BIRC6: variants seen among roughly 807,000 people sequenced by gnomAD.
BIRC6 encodes baculoviral IAP repeat containing 6.
BIRC6 carries 98 observed loss-of-function variants against 503.3 expected under a neutral mutation model. The ratio of observed to expected loss-of-function variants is 0.19; its 90% CI spans 0.17 to 0.23. The LOEUF (loss-of-function observed/expected upper bound fraction) is 0.23, where lower values mean the gene tolerates loss of function less well. Among genes scored for constraint, BIRC6 ranks in the 10% least tolerant of loss-of-function variants. BIRC6 has a pLI of 1.00. For missense variants in BIRC6, 5,360 were observed against 5,806.0 expected, an observed-to-expected ratio of 0.92 and a Z score of 2.50; for synonymous variants, 2,240 against 2,078.7, an observed-to-expected ratio of 1.08 and a Z score of -2.11.
At chr2:32,453,376 T>C (rs1007223669) in intron 22 of BIRC6, among the ~76,000 whole-genome samples, 2 of 152,218 alleles carry the variant, frequency 1.3e-5, no homozygotes, top group Non-Finnish European at 2.9e-5. Flanking sequence ...TTGTGTCTTA[T>C]ATTTATGCAG....
Position 32,380,136 on chromosome 2 carries a change from TTTTA to T in BIRC6, c.508-13_508-10del. On this transcript the variant is annotated splice_polypyrimidine_tract_variant and intron_variant, in intron 2 of 73. Transcript: ENST00000421745. ...TTGAATTTTCTGTGATTTTTTTATT[TTTTA>T]TTTTTTATTTAGGCACAGCAGCTCT... The T allele has an allele frequency of 1.4e-6, 2 of 1,464,226 alleles. No homozygotes were observed. The highest frequency in any genetic ancestry group is 1.8e-6 in the Non-Finnish European group (2 of 1,105,860). 90.7% of individuals were successfully genotyped at this position (1,464,226 alleles called of 1,614,324 possible).
Position 32,502,883 on chromosome 2 carries a change from A to G in BIRC6, c.9296A>G (p.His3099Arg). 1 of 1,605,738 alleles carries G rather than the reference A, an allele frequency of 6.2e-7. No individual in the cohort carries two copies. The highest frequency in any genetic ancestry group is 8.5e-7 in the Non-Finnish European group (1 of 1,173,930). The change falls in exon 48 of 74, where the codon CAT (histidine) becomes CGT (arginine). Residue 3099 changes from histidine (H) to arginine (R), a missense_variant. Physicochemically the swap from His to Arg is conservative, Grantham distance 29. This residue lies in a region of BIRC6 where 267 missense variants were observed against 287.6 expected (regional missense o/e 0.93). Coordinates refer to ENST00000421745, the MANE Select transcript of BIRC6 (RefSeq NM_016252.4). ...ACTAGTGATGCCTTGAAAGCATTTC[A>G]TGATATGGGTAAGATAATATTTCAA... is the stretch of plus-strand genomic sequence containing the variant. The part of the protein sequence containing the change: ...LDTSDALKAF[H>R]DMGGVQLICN...
Position 32,463,375 on chromosome 2 carries a change from G to A in BIRC6, c.4935G>A (p.Gln1645=). ...AACAGCAGCAGCTTTTGAAGCTTCA[G>A]CAACAGGTTGGAGACTATTTGGCTC... ...QEKQQQLLKL[Q]QQKAKLEAKL... The change falls in exon 24 of 74, where the codon CAG becomes CAA. Residue 1645 remains glutamine, a synonymous_variant. Transcript: ENST00000421745. 2.5e-6 allele frequency: 4 copies of A among 1,610,812 alleles called. No homozygotes were observed. Among genetic ancestry groups the A allele is most frequent in the East Asian group, 2.2e-5 (1 of 44,724 alleles).
At chr2:32,590,090 C>T (rs1055628016) in intron 66 of BIRC6, among the ~76,000 whole-genome samples, 2 of 152,086 alleles carry the variant, frequency 1.3e-5, no homozygotes, top group Non-Finnish European at 1.5e-5. Flanking sequence ...GATCTTCGCC[C>T]GTTTACTGGT....
In BIRC6 at chr2:32,583,552, T is replaced by G. The variant is rs568108093; in HGVS notation, c.13355+8186T>G. Among the ~76,000 whole-genome samples the G allele has an allele frequency of 3.7e-4, 56 of 152,268 alleles. No individual in the cohort carries two copies. The East Asian group carries it at 8.5e-3, about 23-fold the overall frequency. On this transcript the variant is annotated intron_variant, in intron 66 of 73. Coordinates refer to ENST00000421745, the MANE Select transcript of BIRC6 (RefSeq NM_016252.4). ...CCAGTATTTTATGTCAAAATAGAGA[T>G]TTTACATTCAACACTTTGCATTTTT...
rs144025041 is a variant in BIRC6, at chr2:32,501,811, A to G, written c.9130A>G (p.Ser3044Gly). Reference protein sequence around the residue: ...DGLFTILTTLSKKASTVHMML... With the variant: ...DGLFTILTTLGKKASTVHMML... ...ATTATTTACCATACTGACAACCCTTAGTAAAAAAGCTTCTACAGTCCACAT... is the reference window on the plus strand; with the variant it reads ...ATTATTTACCATACTGACAACCCTTGGTAAAAAAGCTTCTACAGTCCACAT... The change falls in exon 47 of 74, where the codon AGT becomes GGT. Residue 3044 changes from serine (S) to glycine (G), a missense_variant. Transcript: ENST00000421745. The G allele has an allele frequency of 1.3e-4, 202 of 1,613,816 alleles. No individual in the cohort carries two copies. The highest frequency in any genetic ancestry group is 1.6e-4 in the Non-Finnish European group (186 of 1,179,846).
intron 66 of BIRC6, among the ~76,000 whole-genome samples, chr2:32,587,732 A>T (rs2061143901): frequency 6.6e-6 from 1 of 152,218 alleles, no homozygotes; most frequent in Admixed American, 6.5e-5. Context: ...TCAGAAAAAT[A>T]AAAAGAGAAG....
intron 59 of BIRC6, chr2:32,528,479 C>A (rs756763822): frequency 6.6e-5 from 10 of 152,300 alleles, no homozygotes; most frequent in Non-Finnish European, 1.2e-4. Flanking sequence ...TTGCCTTGGC[C>A]TCCCAAAGTG....
intron 5 of BIRC6, 80 bp from the exon 6 acceptor site, chr2:32,395,431 A>G (rs2039766424): frequency 8.8e-7 from 1 of 1,130,920 alleles, no homozygotes; most frequent in Non-Finnish European, 1.3e-6. Flanking sequence ...AAAATTATGA[A>G]CTTTTAAAAA....
intron 65 of BIRC6, among the ~76,000 whole-genome samples, chr2:32,553,197 CAAAAAAAAAAAAAAAAAAAAAAAAA>C (rs763552918): frequency 2.9e-5 from 1 of 34,936 alleles, no homozygotes; most frequent in Non-Finnish European, 4.9e-5. Context: ...AACTCTGTCT[CAAAAAAAAAAAAAAAAAAAAAAAAA>C]AAAAAAAAAA....
intron 6 of BIRC6, among the ~76,000 whole-genome samples, chr2:32,399,511 G>C (rs1488476876): frequency 1.3e-5 from 2 of 152,202 alleles, no homozygotes; most frequent in African/African-American, 2.4e-5. Flanking sequence ...TCCTGCCTCA[G>C]CCTCCTGACT....
At chr2:32,412,025 T>A (rs2041945600) in intron 9 of BIRC6, among the ~76,000 whole-genome samples, 1 of 151,968 alleles carries the variant, frequency 6.6e-6, no homozygotes, top group Admixed American at 6.6e-5. Flanking sequence ...TCTAAAAGGA[T>A]CCTTCCACCT....
chr2:32,552,542 A>T (rs2150446118), intron 65 of BIRC6, among the ~76,000 whole-genome samples: 1 of 152,328 alleles, frequency 6.6e-6, no homozygotes, highest in Non-Finnish European at 1.5e-5. Flanking sequence ...GAATAGAGGG[A>T]GCATATAAGC....
At chr2:32,575,955 A>G (rs1573125955) in intron 66 of BIRC6, among the ~76,000 whole-genome samples, 1 of 152,356 alleles carries the variant, frequency 6.6e-6, no homozygotes, top group East Asian at 1.9e-4. Context: ...TGTACCTGTT[A>G]GACAAATAGA....
chr2:32,542,732 T>G (rs1467757180), intron 61 of BIRC6, among the ~76,000 whole-genome samples: 1 of 152,242 alleles, frequency 6.6e-6, no homozygotes, highest in Non-Finnish European at 1.5e-5. Context: ...AATTAATAAC[T>G]AATGTAGAGA....
chr2:32,420,449 G>A (rs892530752), intron 10 of BIRC6, among the ~76,000 whole-genome samples: 2 of 151,936 alleles, frequency 1.3e-5, no homozygotes, highest in Non-Finnish European at 2.9e-5. Context: ...CAGTCTTTTT[G>A]TCAGTTTTTA....
At chr2:32,569,150 C>T (rs531543795) in intron 65 of BIRC6, among the ~76,000 whole-genome samples, 1 of 151,826 alleles carries the variant, frequency 6.6e-6, no homozygotes, top group African/African-American at 2.4e-5. Flanking sequence ...CAACGAGGCC[C>T]AGGTAATTTT....
At chr2:32,505,428 G>T in intron 50 of BIRC6, 1 of 485,740 alleles carries the variant, frequency 2.1e-6, no homozygotes, top group East Asian at 3.6e-5. Context: ...AAACAAATAT[G>T]TTCCAGTTAT....
At chr2:32,405,293 A>C (rs2041072185) in intron 8 of BIRC6, among the ~76,000 whole-genome samples, 1 of 152,178 alleles carries the variant, frequency 6.6e-6, no homozygotes, top group Non-Finnish European at 1.5e-5. Context: ...TTAGCAGCTG[A>C]TTTTAAACTT....
Sources: allele counts gnomAD v4.1 joint callset (sites outside exome capture counted in the v4.1 genomes callset), GRCh38; gene constraint gnomAD v4.1.1; regional missense constraint gnomAD v4.1.1; transcripts MANE v1.5; gene names NCBI Gene and HGNC (gene_info 2026-07-23, HGNC 2026-07-21).